NCALD: variants seen among roughly 807,000 people sequenced by gnomAD.
NCALD encodes neurocalcin-delta.
In NCALD, 10 loss-of-function variants were observed where a neutral mutation model predicts 18.6. That is an observed-to-expected ratio of 0.54 (90% CI 0.33 to 0.91). The LOEUF is 0.91. NCALD is among the 40% of genes least tolerant of loss of function. NCALD has a pLI of 0.03. For missense variants in NCALD, 184 were observed against 247.6 expected (o/e 0.74, Z 1.72); for synonymous variants, 88 against 87.4 (o/e 1.01, Z -0.04).
chr8:102,088,557 A>G (rs1035792054), intron 1 of NCALD, among the ~76,000 whole-genome samples: 10 of 99,708 alleles, frequency 1.0e-4, no homozygotes, highest in Middle Eastern at 4.7e-3. Context: ...TTTTCGGGGA[A>G]AAAAAAAAAA....
At chr8:102,042,354 C>T (rs748698442) in intron 1 of NCALD, among the ~76,000 whole-genome samples, 1 of 151,874 alleles carries the variant, frequency 6.6e-6, no homozygotes, top group Non-Finnish European at 1.5e-5. Flanking sequence ...GTTTAGGGAG[C>T]GTCTATTCTC....
Position 101,689,448 on chromosome 8 carries a change from T to G in NCALD, c.485-42A>C, listed in dbSNP as rs1406559714. The stretch of plus-strand genomic sequence containing the variant: ...CAGGTGAGTGGTGGCTGGTGGCAGC[T>G]GCATGAGCTTACACCCTTCCCACTA... On this transcript the variant is annotated intron_variant, in intron 3 of 3. Transcript: ENST00000220931. This position sits in a 1 kb window ranked among gnomAD's most constrained non-coding sequence, Gnocchi z 4.4. 2.7e-6 allele frequency: 4 copies of G among 1,483,438 alleles called. No homozygotes were observed. In the South Asian group the frequency reaches 4.8e-5, roughly 18 times the overall value. The allele number at this position is 1,483,438 out of a possible 1,614,324, so 91.9% of individuals were successfully genotyped here.
At chr8:102,082,420 G>A (rs1003987218) in intron 1 of NCALD, among the ~76,000 whole-genome samples, 3 of 151,644 alleles carry the variant, frequency 2.0e-5, no homozygotes, top group African/African-American at 7.3e-5. Flanking sequence ...TGACACCTGA[G>A]CTCTCTGTCC....
intron 2 of NCALD, among the ~76,000 whole-genome samples, chr8:101,928,747 C>G (rs1029008692): frequency 6.6e-6 from 1 of 152,064 alleles, no homozygotes; most frequent in Admixed American, 6.6e-5. Context: ...CAACTTTTCT[C>G]TAAACGTTAA....
At chr8:101,900,328 T>C (rs552509664) in intron 3 of NCALD, among the ~76,000 whole-genome samples, 1 of 151,986 alleles carries the variant, frequency 6.6e-6, no homozygotes, top group South Asian at 2.1e-4. Flanking sequence ...TTTCTCCTTG[T>C]AGTTTTATTA....
In NCALD at chr8:102,066,359, G is replaced by A. The variant is rs145171960; in HGVS notation, c.-209-46070C>T. Among the ~76,000 whole-genome samples, 57 of 152,330 alleles carry A rather than the reference G, an allele frequency of 3.7e-4. 1 individual carries two copies. Among genetic ancestry groups the A allele is most frequent in the African/African-American group, 1.3e-3 (55 of 41,574 alleles). On this transcript the variant is annotated intron_variant, in intron 1 of 6. Coordinates refer to the NCALD transcript ENST00000311028. ...CATACGCTTTTTACCCAAGGTAAGA[G>A]AAGGTTTGTATCTCTAATACCATCT...
rs183521815 is a variant in NCALD, at chr8:102,022,010, G to A, written c.-209-1721C>T. Reference sequence around the variant, plus strand: ...AGAATTAGATGATGTATTTGTACAGGGTCCCAGCAGAAAAGAGATGATACA... The same window carrying A: ...AGAATTAGATGATGTATTTGTACAGAGTCCCAGCAGAAAAGAGATGATACA... On this transcript the variant is annotated intron_variant, in intron 1 of 6. Coordinates refer to the NCALD transcript ENST00000311028. Among the ~76,000 whole-genome samples, 931 of 152,276 alleles carry A rather than the reference G, an allele frequency of 6.1e-3. 8 individuals are homozygous for A. Among genetic ancestry groups the A allele is most frequent in the African/African-American group, 0.018 (729 of 41,550 alleles).
chr8:102,026,672 A>C (rs751886785), intron 1 of NCALD, among the ~76,000 whole-genome samples: 4 of 152,146 alleles, frequency 2.6e-5, no homozygotes, highest in Non-Finnish European at 5.9e-5. Flanking sequence ...GTCAGTGGAC[A>C]TACTATTCTA....
At position 101,961,483 on chromosome 8, in the gene NCALD, C is replaced by T. The variant is rs9969490; in HGVS notation, c.-156-45625G>A. ...GGTCAAAGTTTCCAGTCCTGTCCAA[C>T]GATAAATTAGTCCTTTGTTGGTAAA... On this transcript the variant is annotated intron_variant, in intron 2 of 6. Coordinates refer to the NCALD transcript ENST00000311028. Among the ~76,000 whole-genome samples the T allele has an allele frequency of 8.5e-3, 1,288 of 152,272 alleles. 14 individuals carry two copies. The highest frequency in any genetic ancestry group is 0.024 in the Middle Eastern group (7 of 294).
intron 1 of NCALD, among the ~76,000 whole-genome samples, chr8:102,083,301 C>T (rs1421645457): frequency 3.3e-5 from 5 of 152,214 alleles, no homozygotes; most frequent in Non-Finnish European, 7.4e-5. Flanking sequence ...TTCAAACCAG[C>T]TCGGCATGAT....
chr8:102,112,599 C>A (rs1825674052), intron 1 of NCALD, among the ~76,000 whole-genome samples: 1 of 152,170 alleles, frequency 6.6e-6, no homozygotes, highest in Admixed American at 6.5e-5. Flanking sequence ...TATCCAGTCC[C>A]CAAATTAGAA....
chr8:101,881,457 C>T (rs1407615539), intron 4 of NCALD, among the ~76,000 whole-genome samples: 1 of 152,174 alleles, frequency 6.6e-6, no homozygotes, highest in East Asian at 1.9e-4. Flanking sequence ...AAATGTCAAA[C>T]ACCATCACCA....
chr8:101,927,415 A>G (rs192206079), intron 2 of NCALD, among the ~76,000 whole-genome samples: 20 of 152,336 alleles, frequency 1.3e-4, no homozygotes, highest in Admixed American at 3.3e-4. Context: ...GAGAAGTCAG[A>G]CCTGAGATGC....
chr8:101,778,297 C>T (rs1563759956), intron 1 of NCALD, among the ~76,000 whole-genome samples: 2 of 152,128 alleles, frequency 1.3e-5, no homozygotes, highest in African/African-American at 2.4e-5. Context: ...TCAGCACAGT[C>T]GTTCATTCAT....
intron 1 of NCALD, among the ~76,000 whole-genome samples, chr8:101,736,000 C>A (rs908203165): frequency 6.6e-6 from 1 of 152,276 alleles, no homozygotes; most frequent in East Asian, 1.9e-4. Flanking sequence ...CGTTCCTCTT[C>A]CTCCTTGTGC....
At chr8:102,102,610 G>A (rs895021460) in intron 1 of NCALD, among the ~76,000 whole-genome samples, 8 of 152,280 alleles carry the variant, frequency 5.3e-5, no homozygotes, top group Middle Eastern at 6.8e-3. Flanking sequence ...CAGCTTCCGA[G>A]GCATGACCCC....
chr8:101,706,868 T>C (rs1328279278), intron 2 of NCALD, among the ~76,000 whole-genome samples: 1 of 142,210 alleles, frequency 7.0e-6, no homozygotes, highest in Non-Finnish European at 1.6e-5. Flanking sequence ...AGCCATAGTG[T>C]GATTTGCAAT....
chr8:101,916,134 G>A (rs767087912), intron 2 of NCALD, among the ~76,000 whole-genome samples: 26 of 152,074 alleles, frequency 1.7e-4, no homozygotes, highest in African/African-American at 9.7e-5. Context: ...ATATCTCCTT[G>A]GAAGAGGATA....
rs529181114 is a variant in NCALD, at chr8:102,120,297, C to T, written c.-210+3940G>A. ...ACACCCCTGCTCCTATTTCTCAGCC[C>T]GTCTCTAAGGATGAAACATGTGACA... On this transcript the variant is annotated intron_variant, in intron 1 of 6. Transcript: ENST00000311028. Among the ~76,000 whole-genome samples, 7 of 152,094 alleles carry T rather than the reference C, an allele frequency of 4.6e-5. No individual in the cohort carries two copies. The South Asian group carries it at 8.3e-4, about 18-fold the overall frequency.
Sources: gnomAD v4.1 joint callset for allele counts (sites outside exome capture counted in the v4.1 genomes callset) on GRCh38, gnomAD v4.1.1 for gene constraint, Gnocchi (gnomAD v3.1) non-coding constraint, MANE v1.5 for transcripts, NCBI Gene and HGNC (gene_info 2026-07-23, HGNC 2026-07-21) for gene names.